Variants in DCHS2 observed in about 807,000 individuals in gnomAD.
DCHS2 encodes dachsous cadherin-related 2, also known as protocadherin-23.
In DCHS2, 142 loss-of-function variants were observed where a neutral mutation model predicts 182.4. That is an observed-to-expected ratio of 0.78 (90% confidence interval 0.68 to 0.89). The LOEUF (loss-of-function observed/expected upper bound fraction) is 0.89. DCHS2 is among the 40% of genes least tolerant of loss of function. The pLI is 0.00. For synonymous variants in DCHS2, 1,740 were observed against 1,663.3 expected, an observed-to-expected ratio of 1.05 and a Z score of -1.12; for missense variants, 4,319 against 4,198.6, an observed-to-expected ratio of 1.03 and a Z score of -0.79.
intron 3 of DCHS2, among the ~76,000 whole-genome samples, chr4:154,351,539 C>A (rs1043274949): frequency 2.0e-5 from 3 of 152,168 alleles, no homozygotes; most frequent in Non-Finnish European, 4.4e-5. Context: ...CTTATTTATA[C>A]AATAGTTTTT....
intron 3 of DCHS2, 104 bp from the exon 4 acceptor site, chr4:154,335,208 A>G (rs1728737675): frequency 1.3e-6 from 1 of 798,344 alleles, no homozygotes; most frequent in Non-Finnish European, 2.1e-6. Flanking sequence ...GTTTTATTTT[A>G]TGTGTTAACT....
chr4:154,375,560 T>C (rs1045474044), intron 2 of DCHS2, among the ~76,000 whole-genome samples: 1 of 151,870 alleles, frequency 6.6e-6, no homozygotes, highest in Non-Finnish European at 1.5e-5. Context: ...ATTATACGAA[T>C]AGCAATAAAC....
At chr4:154,255,334 AAAT>A (rs1732603821) in intron 16 of DCHS2, among the ~76,000 whole-genome samples, 182 bp downstream of exon 16, 1 of 152,226 alleles carries the variant, frequency 6.6e-6, no homozygotes, top group Admixed American at 6.5e-5. Flanking sequence ...TTCCAAATAC[AAAT>A]AATGGCTGAG....
chr4:154,453,311 G>T (rs1314760550), intron 1 of DCHS2, among the ~76,000 whole-genome samples: 3 of 141,720 alleles, frequency 2.1e-5, no homozygotes, highest in Non-Finnish European at 4.6e-5. Flanking sequence ...TTGCATCCTA[G>T]ATGTGAAATC....
intron 7 of DCHS2, chr4:154,323,383 G>C: frequency 6.5e-7 from 1 of 1,538,838 alleles, no homozygotes; most frequent in East Asian, 2.5e-5. Context: ...AGGCTGGAGC[G>C]CAATTGTGCC....
chr4:154,488,487 G>A (rs1276987979), intron 1 of DCHS2, among the ~76,000 whole-genome samples: 1 of 152,164 alleles, frequency 6.6e-6, no homozygotes, highest in Non-Finnish European at 1.5e-5. Context: ...CATGTAAGAA[G>A]TCTCTGGAAA....
At chr4:154,363,914 C>G (rs867487262) in intron 3 of DCHS2, among the ~76,000 whole-genome samples, 4 of 152,244 alleles carry the variant, frequency 2.6e-5, no homozygotes, top group Middle Eastern at 3.4e-3. Flanking sequence ...CAACTTTTTC[C>G]CATAGCTAGT....
chr4:154,262,404 A>G (rs926499342), intron 14 of DCHS2, among the ~76,000 whole-genome samples: 3 of 152,234 alleles, frequency 2.0e-5, no homozygotes, highest in African/African-American at 4.8e-5. Flanking sequence ...GTGTACTGTC[A>G]TCAGTGAGAG....
intron 7 of DCHS2, 83 bp from the exon 8 acceptor site, chr4:154,322,571 T>C: frequency 1.4e-6 from 2 of 1,420,576 alleles, no homozygotes; most frequent in Non-Finnish European, 1.8e-6. Flanking sequence ...ATATCGATCA[T>C]TTGGAAGATT....
chr4:154,404,238 T>A lies in DCHS2; in HGVS notation c.2053-26794A>T, dbSNP rs568935174. Among the ~76,000 whole-genome samples the A allele has an allele frequency of 3.9e-5, 6 of 152,312 alleles. No homozygotes were observed. In the East Asian group the frequency reaches 1.2e-3, roughly 29 times the overall value. On this transcript the variant is annotated intron_variant, in intron 1 of 19. Coordinates refer to ENST00000357232, the MANE Select transcript of DCHS2 (RefSeq NM_001358235.2). ...TTTATTACCATTCAATTCAAAATAT[T>A]TTCTAATTTCCATTTTAATTTCTTC...
rs762440588 is a variant in DCHS2, at chr4:154,366,224, A to G, written c.2462T>C (p.Ile821Thr). ...IPGNVSSLFT[I>T]DSTTGIIYLT... ...AGATCACATACCTGTGGTGGAGTCAATGGTAAAAAGGGACGACACGTTTCC... is the reference window on the plus strand; with the variant it reads ...AGATCACATACCTGTGGTGGAGTCAGTGGTAAAAAGGGACGACACGTTTCC... The change falls in exon 3 of 20, where the codon ATT becomes ACT. Residue 821 changes from isoleucine to threonine, a missense_variant. Coordinates refer to ENST00000357232, the MANE Select transcript of DCHS2 (RefSeq NM_001358235.2). 5.0e-6 allele frequency: 8 copies of G among 1,613,180 alleles called. No individual in the cohort carries two copies. In the East Asian group the frequency reaches 6.7e-5, roughly 13 times the overall value.
chr4:154,243,311 T>C (rs1731924329), intron 16 of DCHS2, among the ~76,000 whole-genome samples: 1 of 152,154 alleles, frequency 6.6e-6, no homozygotes, highest in African/African-American at 2.4e-5. Flanking sequence ...AGAAGATGTA[T>C]GATTGGCTAG....
Position 154,242,715 on chromosome 4 carries a change from G to T in DCHS2, c.6999C>A (p.Ile2333=), listed in dbSNP as rs763347512. 6.2e-7 allele frequency: 1 copy of T among 1,612,950 alleles called. No individual in the cohort carries two copies. The highest frequency in any genetic ancestry group is 1.1e-5 in the South Asian group (1 of 90,968). Residue 2333 remains isoleucine, a synonymous_variant, in exon 17 of 20, where the codon ATC becomes ATA. Coordinates refer to ENST00000357232, the MANE Select transcript of DCHS2 (RefSeq NM_001358235.2). ...GMPRLSNTTV[I]KVQVTDINDN... is the part of the protein sequence containing the mutation. ...CATTTATATCAGTCACCTGTACCTT[G>T]ATTACAGTCGTATTAGAAAGCCTGG...
At chr4:154,317,239 A>G (rs528789473) in intron 9 of DCHS2, among the ~76,000 whole-genome samples, 26 of 152,202 alleles carry the variant, frequency 1.7e-4, no homozygotes, top group Non-Finnish European at 3.4e-4. Flanking sequence ...CACATTACCT[A>G]TATTACCAAA....
intron 16 of DCHS2, among the ~76,000 whole-genome samples, chr4:154,255,172 C>A (rs1013946614): frequency 6.6e-6 from 1 of 152,124 alleles, no homozygotes; most frequent in Non-Finnish European, 1.5e-5. Flanking sequence ...AAAACAATAA[C>A]AACAAACACC....
chr4:154,419,821 C>CAAA lies in DCHS2; in HGVS notation c.2053-42380_2053-42378dup, dbSNP rs369876828. On this transcript the variant is annotated intron_variant, in intron 1 of 19. Coordinates refer to ENST00000357232, the MANE Select transcript of DCHS2 (RefSeq NM_001358235.2). ...CTAAATGTTTGAACTAGAACAAGAC[C>CAAA]AAAAAAAAAAAAAAAGCCAGAGAAG... Among the ~76,000 whole-genome samples, 414 of 122,528 alleles carry CAAA rather than the reference C, an allele frequency of 3.4e-3. 7 individuals are homozygous for CAAA. The highest frequency in any genetic ancestry group is 5.4e-3 in the Non-Finnish European group (323 of 59,888). The allele number at this position is 122,528 out of a possible 152,430, so 80.4% of individuals were successfully genotyped here.
In DCHS2 at chr4:154,235,673, G is replaced by C; in HGVS notation, c.8979C>G (p.Ser2993Arg). The change falls in exon 20 of 20, where the codon AGC (serine) becomes AGG (arginine). Residue 2993 changes from serine (S) to arginine (R), a missense_variant. By Grantham distance (110) the Ser-to-Arg change is moderately radical. Transcript: ENST00000357232. ...EGTPLAVFAS[S>R]FSISLVVSFL... ...AGGAGACCACCAGGCTGATTGAAAA[G>C]CTGCTGGCGAACACTGCCAAGGGTG... The C allele has an allele frequency of 1.9e-6, 3 of 1,613,976 alleles. No individual in the cohort carries two copies.
At chr4:154,383,126 A>G (rs1453993152) in intron 1 of DCHS2, among the ~76,000 whole-genome samples, 1 of 152,220 alleles carries the variant, frequency 6.6e-6, no homozygotes, top group Non-Finnish European at 1.5e-5. Flanking sequence ...GAAAATGTGG[A>G]ACATATGCAC....
chr4:154,326,296 G>A (rs1578967018), intron 7 of DCHS2, among the ~76,000 whole-genome samples: 1 of 152,014 alleles, frequency 6.6e-6, no homozygotes. Context: ...TTATTTACTG[G>A]TTTTTCTTAC....
Sources: gnomAD v4.1 joint callset for allele counts (sites outside exome capture counted in the v4.1 genomes callset) on GRCh38, gnomAD v4.1.1 for gene constraint, MANE v1.5 for transcripts, NCBI Gene and HGNC (gene_info 2026-07-23, HGNC 2026-07-21) for gene names.